The following ABCC8 variants were observed in gnomAD, a reference collection of about 807,000 sequenced individuals.
ABCC8 encodes ATP-binding cassette sub-family C member 8.
In ABCC8, 137 loss-of-function variants were observed where a neutral mutation model predicts 188.0. That is an observed-to-expected ratio of 0.73 (90% CI 0.63 to 0.84). The LOEUF (loss-of-function observed/expected upper bound fraction) is 0.84. Among genes scored for constraint, ABCC8 ranks in the 40% least tolerant of loss-of-function variants. The pLI is 0.00. For missense variants in ABCC8, 1,750 were observed against 2,072.7 expected (o/e 0.84, Z 3.02); for synonymous variants, 797 against 846.5 (o/e 0.94, Z 1.01).
chr11:17,424,457 G>A (rs1380870095), intron 16 of ABCC8, among the ~76,000 whole-genome samples: 3 of 152,240 alleles, frequency 2.0e-5, no homozygotes, highest in Non-Finnish European at 4.4e-5. Flanking sequence ...GGCACAGCTT[G>A]GAGAAGAGGT....
chr11:17,398,208 G>C (rs1591718255), intron 30 of ABCC8, 131 bp downstream of exon 30: 2 of 1,235,986 alleles, frequency 1.6e-6, no homozygotes, highest in East Asian at 5.0e-5. Flanking sequence ...ACCAGGGCTG[G>C]GGGAAGCAGG....
Position 17,460,284 on chromosome 11 carries a change from A to G in ABCC8, c.1011+204T>C, listed in dbSNP as rs117251126. Among the ~76,000 whole-genome samples, 9 of 152,282 alleles carry G rather than the reference A, an allele frequency of 5.9e-5. No homozygotes were observed. In the East Asian group the frequency reaches 1.5e-3, roughly 26 times the overall value. ...AGTGACGGTGAGAGGAGAGTAGGAT[A>G]CCCTTGGGGCATAGGCTCGCCCTCT... On this transcript the variant is annotated intron_variant, in intron 6 of 38. Coordinates refer to ENST00000389817, the MANE Select transcript of ABCC8 (RefSeq NM_000352.6).
intron 10 of ABCC8, among the ~76,000 whole-genome samples, chr11:17,441,013 G>A (rs991146370): frequency 1.3e-5 from 2 of 152,104 alleles, no homozygotes; most frequent in African/African-American, 4.8e-5. Flanking sequence ...GTCTATCTGG[G>A]AGACACTACC....
intron 16 of ABCC8, among the ~76,000 whole-genome samples, chr11:17,421,551 C>G (rs1425185780): frequency 6.6e-6 from 1 of 152,186 alleles, no homozygotes; most frequent in Non-Finnish European, 1.5e-5. Context: ...TCACAAGAAT[C>G]TTTCCCAGGA....
rs1317438136 is a variant in ABCC8, at chr11:17,404,233, C to T, written c.3557+279G>A. ...GCATGTTGGCAAAATGAATGAAGGG[C>T]ATAAAATGTGCATTTATCATGACCT... On this transcript the variant is annotated intron_variant, in intron 28 of 38. Coordinates refer to ENST00000389817, the MANE Select transcript of ABCC8 (RefSeq NM_000352.6). The surrounding 1 kb of genome is among the most constrained non-coding windows in gnomAD (Gnocchi z 4.7). Among the ~76,000 whole-genome samples, 2 of 152,160 alleles carry T rather than the reference C, an allele frequency of 1.3e-5. No homozygotes were observed. The highest frequency in any genetic ancestry group is 2.9e-5 in the Non-Finnish European group (2 of 68,032).
At chr11:17,398,016 T>G in intron 30 of ABCC8, among the ~76,000 whole-genome samples, 1 of 152,132 alleles carries the variant, frequency 6.6e-6, no homozygotes. Context: ...CCCTAGCCCC[T>G]GCACACCCTT....
chr11:17,428,278 G>A lies in ABCC8; in HGVS notation c.2040+11C>T. 6 of 1,614,060 alleles carry A rather than the reference G, an allele frequency of 3.7e-6. No homozygotes were observed. Among genetic ancestry groups the A allele is most frequent in the Non-Finnish European group, 5.1e-6 (6 of 1,180,044 alleles). ...GTGCTGGGTGGCCAGGCATGGGGCA[G>A]CAGGACTCACCTGGACACAGCAGTT... On this transcript the variant is annotated intron_variant, in intron 14 of 38. Coordinates refer to ENST00000389817, the MANE Select transcript of ABCC8 (RefSeq NM_000352.6).
Position 17,417,062 on chromosome 11 carries a change from A to G in ABCC8, c.2223-100T>C. On this transcript the variant is annotated intron_variant, in intron 16 of 38. Transcript: ENST00000389817. ...AGGGGAGAAGCAATCCCCACCTCCA[A>G]CCCTCCCACCCATTCCCAGGGTTTC... is the stretch of plus-strand genomic sequence containing the variant. 3.8e-6 allele frequency: 6 copies of G among 1,579,626 alleles called. No individual in the cohort carries two copies. The South Asian group carries it at 6.9e-5, about 18-fold the overall frequency.
rs1289413918 is a variant in ABCC8, at chr11:17,476,844, C to A, written c.-68G>T. The stretch of plus-strand genomic sequence containing the variant: ...CTGGCTCCGCGCGCCTGCCGCGCCT[C>A]TGTCCCTTGCAGCTCCGCCGCCCGG... On this transcript the variant is annotated 5_prime_UTR_variant, in exon 1 of 39. Coordinates refer to ENST00000389817, the MANE Select transcript of ABCC8 (RefSeq NM_000352.6). 7.8e-7 allele frequency: 1 copy of A among 1,279,294 alleles called. No homozygotes were observed. Among genetic ancestry groups the A allele is most frequent in the Non-Finnish European group, 9.9e-7 (1 of 1,012,082 alleles). 79.2% of individuals were successfully genotyped at this position (1,279,294 alleles called of 1,614,324 possible).
chr11:17,410,488 A>G, intron 22 of ABCC8, 28 bp downstream of exon 22: 13 of 1,613,406 alleles, frequency 8.1e-6, no homozygotes, highest in Non-Finnish European at 1.1e-5. Flanking sequence ...CCTGCCCCCT[A>G]TAGCCTGACC....
At chr11:17,440,953 C>T (rs180922298) in intron 10 of ABCC8, among the ~76,000 whole-genome samples, 3 of 152,314 alleles carry the variant, frequency 2.0e-5, no homozygotes, top group Admixed American at 6.5e-5. Context: ...GCCAAGAATA[C>T]GCAGATGACC....
At chr11:17,405,631 T>G in intron 26 of ABCC8, 68 bp from the exon 27 acceptor site, 2 of 1,612,872 alleles carry the variant, frequency 1.2e-6, no homozygotes, top group East Asian at 2.2e-5. Context: ...CTGAATGAGA[T>G]AGTTAATTAT....
chr11:17,471,662 T>C (rs1848485602), intron 2 of ABCC8, among the ~76,000 whole-genome samples: 1 of 152,208 alleles, frequency 6.6e-6, no homozygotes, highest in African/African-American at 2.4e-5. Flanking sequence ...AGGAGAGGCA[T>C]GTCGGCAGCA....
Position 17,404,444 on chromosome 11 carries a change from G to A in ABCC8, c.3557+68C>T, listed in dbSNP as rs1357898882. 5 of 1,477,562 alleles carry A rather than the reference G, an allele frequency of 3.4e-6. No individual in the cohort carries two copies. Among genetic ancestry groups the A allele is most frequent in the Non-Finnish European group, 4.7e-6 (5 of 1,056,148 alleles). The allele number at this position is 1,477,562 out of a possible 1,614,324, so 91.5% of individuals were successfully genotyped here. A position where few individuals can be genotyped will look rare whatever the true frequency, so the allele number is the denominator to read the frequency against. Reference sequence around the variant, plus strand: ...ACGACCCTATTACTCTCATAACGATGAGTCTAGCAAGTACACCAAACTGCA... The same window carrying A: ...ACGACCCTATTACTCTCATAACGATAAGTCTAGCAAGTACACCAAACTGCA... On this transcript the variant is annotated intron_variant, in intron 28 of 38. Transcript: ENST00000389817. This position sits in a 1 kb window ranked among gnomAD's most constrained non-coding sequence, Gnocchi z 4.7.
At position 17,408,325 on chromosome 11, in the gene ABCC8, G is replaced by A. The variant is rs4148634; in HGVS notation, c.2820+67C>T. ...GCACTAAGGACAGGAAGACCTTTAT[G>A]AGTTCAGGTTCTAGCAGAACCTTTG... On this transcript the variant is annotated intron_variant, in intron 23 of 38. Coordinates refer to ENST00000389817, the MANE Select transcript of ABCC8 (RefSeq NM_000352.6). 0.11 allele frequency: 155,537 copies of A among 1,472,150 alleles called. 9,543 individuals are homozygous for A. Among genetic ancestry groups the A allele is most frequent in the African/African-American group, 0.25 (17,683 of 71,332 alleles). 91.2% of individuals were successfully genotyped at this position (1,472,150 alleles called of 1,614,324 possible).
At chr11:17,437,513 T>C (rs1956153039) in intron 10 of ABCC8, among the ~76,000 whole-genome samples, 1 of 152,238 alleles carries the variant, frequency 6.6e-6, no homozygotes, top group African/African-American at 2.4e-5. Context: ...TTGGGCCTAA[T>C]TGCAAGATGC....
chr11:17,399,972 C>A (rs889475471), intron 29 of ABCC8, among the ~76,000 whole-genome samples: 5 of 152,192 alleles, frequency 3.3e-5, no homozygotes, highest in Non-Finnish European at 7.3e-5. Flanking sequence ...CTGACGTAGG[C>A]CCGGCCCAGA....
intron 3 of ABCC8, among the ~76,000 whole-genome samples, chr11:17,468,429 C>T (rs1210097024): frequency 3.3e-5 from 5 of 152,210 alleles, no homozygotes; most frequent in African/African-American, 7.2e-5. Context: ...AACACAGAGG[C>T]AGACCTGCGG....
chr11:17,434,445 G>A (rs558039011), intron 10 of ABCC8, among the ~76,000 whole-genome samples: 3 of 152,272 alleles, frequency 2.0e-5, no homozygotes, highest in Admixed American at 6.5e-5. Flanking sequence ...CAAGAGCAGC[G>A]CAAAGCCATC....
Sources: allele counts gnomAD v4.1 joint callset (sites outside exome capture counted in the v4.1 genomes callset), GRCh38; gene constraint gnomAD v4.1.1; non-coding constraint Gnocchi (gnomAD v3.1); transcripts MANE v1.5; gene names NCBI Gene and HGNC (gene_info 2026-07-23, HGNC 2026-07-21).